FARS2: variants seen among roughly 807,000 people sequenced by gnomAD.
FARS2 encodes the protein phenylalanine--tRNA ligase, mitochondrial.
Under a neutral mutation model 46.4 loss-of-function variants are expected in FARS2, and 40 were observed. That is an observed-to-expected ratio of 0.86 (90% CI 0.67 to 1.12). FARS2 has a LOEUF of 1.12. Ranked by LOEUF, FARS2 falls within the 50% of genes most tolerant of loss-of-function variation. The probability of loss-of-function intolerance (pLI) is 0.00; values close to 1 mark genes in which losing one functional copy is unlikely to be tolerated. For synonymous variants in FARS2, 234 were observed against 214.9 expected (o/e 1.09, Z -0.78); for missense variants, 513 against 567.9 (o/e 0.90, Z 0.98).
At chr6:5,740,778 G>T (rs916785743) in intron 6 of FARS2, among the ~76,000 whole-genome samples, 8 of 152,188 alleles carry the variant, frequency 5.3e-5, no homozygotes. Context: ...AACCTGGGGG[G>T]AATAGCCCCA....
At chr6:5,522,886 A>G (rs1243206830) in intron 4 of FARS2, among the ~76,000 whole-genome samples, 1 of 152,224 alleles carries the variant, frequency 6.6e-6, no homozygotes, top group Non-Finnish European at 1.5e-5. Context: ...GGAATAAAGT[A>G]TTTACATATT....
At chr6:5,732,360 G>C (rs561107505) in intron 6 of FARS2, among the ~76,000 whole-genome samples, 1 of 152,200 alleles carries the variant, frequency 6.6e-6, no homozygotes, top group African/African-American at 2.4e-5. Flanking sequence ...GAGGCAGTAA[G>C]GATTAGACAG....
At chr6:5,639,960 G>A (rs762051471) in intron 6 of FARS2, among the ~76,000 whole-genome samples, 10 of 152,188 alleles carry the variant, frequency 6.6e-5, no homozygotes, top group Non-Finnish European at 1.3e-4. Flanking sequence ...TAAATTCTCA[G>A]CTCATCTGGT....
At chr6:5,338,883 TC>T (rs1017871860) in intron 1 of FARS2, among the ~76,000 whole-genome samples, 3 of 152,128 alleles carry the variant, frequency 2.0e-5, no homozygotes, top group African/African-American at 7.2e-5. Flanking sequence ...TCCTGTACAG[TC>T]CCCAGATTTA....
chr6:5,473,628 A>C (rs781465465), intron 4 of FARS2, among the ~76,000 whole-genome samples: 2 of 151,882 alleles, frequency 1.3e-5, no homozygotes, highest in African/African-American at 2.4e-5. Context: ...TTATATTTAC[A>C]TACATTGTTT....
intron 1 of FARS2, among the ~76,000 whole-genome samples, chr6:5,330,193 A>G (rs190672730): frequency 5.9e-4 from 90 of 152,314 alleles, no homozygotes; most frequent in Non-Finnish European, 1.2e-3. Flanking sequence ...TACCACAGAA[A>G]TTTTAGGAGC....
intron 6 of FARS2, among the ~76,000 whole-genome samples, chr6:5,650,104 G>T (rs1777275586): frequency 6.6e-6 from 1 of 152,048 alleles, no homozygotes; most frequent in Non-Finnish European, 1.5e-5. Context: ...CCGAGCCTGG[G>T]GTTTTAAAAG....
intron 6 of FARS2, among the ~76,000 whole-genome samples, 170 bp downstream of exon 6, chr6:5,613,490 G>GA (rs1775300960): frequency 6.6e-6 from 1 of 152,194 alleles, no homozygotes; most frequent in African/African-American, 2.4e-5. Context: ...AGTCGTCTCT[G>GA]AAAATCTTTC....
intron 6 of FARS2, among the ~76,000 whole-genome samples, chr6:5,662,226 A>G (rs1777883218): frequency 1.3e-5 from 2 of 152,092 alleles, no homozygotes; most frequent in Admixed American, 1.3e-4. Flanking sequence ...TTTATTACAA[A>G]CTATTCTATT....
At chr6:5,590,076 A>G (rs115003307) in intron 5 of FARS2, among the ~76,000 whole-genome samples, 19 of 152,348 alleles carry the variant, frequency 1.2e-4, no homozygotes, top group African/African-American at 4.6e-4. Flanking sequence ...ATTAAATATC[A>G]AAATGTATGT....
intron 4 of FARS2, among the ~76,000 whole-genome samples, chr6:5,483,195 C>T (rs1000011173): frequency 2.0e-5 from 3 of 152,206 alleles, no homozygotes; most frequent in African/African-American, 4.8e-5. Context: ...TACTATTGCT[C>T]ACAGTAGCAA....
chr6:5,697,641 A>G (rs1194726753), intron 6 of FARS2, among the ~76,000 whole-genome samples: 3 of 152,266 alleles, frequency 2.0e-5, no homozygotes, highest in African/African-American at 7.2e-5. Context: ...TCAACAAACA[A>G]AGGCAAAATC....
intron 5 of FARS2, among the ~76,000 whole-genome samples, chr6:5,559,377 C>T (rs1771861458): frequency 6.6e-6 from 1 of 152,158 alleles, no homozygotes; most frequent in South Asian, 2.1e-4. Flanking sequence ...GCATTCCAGC[C>T]TGGGCAACAG....
At chr6:5,556,587 G>T (rs1168020737) in intron 5 of FARS2, among the ~76,000 whole-genome samples, 6 of 151,790 alleles carry the variant, frequency 4.0e-5, no homozygotes, top group Non-Finnish European at 2.9e-5. Context: ...TCTATGGGCT[G>T]ATTTTTTTGT....
At chr6:5,545,903 G>A (rs1770950896) in intron 5 of FARS2, among the ~76,000 whole-genome samples, 1 of 152,124 alleles carries the variant, frequency 6.6e-6, no homozygotes, top group South Asian at 2.1e-4. Context: ...CAAGACGGGT[G>A]GATCACCTGA....
chr6:5,652,167 G>A (rs1443440142), intron 6 of FARS2, among the ~76,000 whole-genome samples: 1 of 152,116 alleles, frequency 6.6e-6, no homozygotes, highest in Non-Finnish European at 1.5e-5. Context: ...TGATACAGAG[G>A]CAATGCCTAA....
intron 6 of FARS2, among the ~76,000 whole-genome samples, chr6:5,691,032 G>A (rs150665931): frequency 0.024 from 3,585 of 152,026 alleles, 152 homozygotes; most frequent in African/African-American, 0.082. Context: ...TTCTCGTGCC[G>A]TGGTTTTCAG....
intron 5 of FARS2, among the ~76,000 whole-genome samples, chr6:5,563,841 T>G (rs1772158538): frequency 6.6e-6 from 1 of 152,142 alleles, no homozygotes; most frequent in Non-Finnish European, 1.5e-5. Context: ...TAAAGAAGAC[T>G]GGAATTTATT....
intron 4 of FARS2, among the ~76,000 whole-genome samples, chr6:5,519,125 TC>T (rs1369029439): frequency 6.6e-6 from 1 of 152,148 alleles, no homozygotes; most frequent in African/African-American, 2.4e-5. Context: ...TCCCAAAAGC[TC>T]TGAAAGGATG....
Sources: allele counts gnomAD v4.1 joint callset (sites outside exome capture counted in the v4.1 genomes callset), GRCh38; gene constraint gnomAD v4.1.1; transcripts MANE v1.5; gene names NCBI Gene and HGNC (gene_info 2026-07-23, HGNC 2026-07-21).